DISP1: variants seen among roughly 807,000 people sequenced by gnomAD.
DISP1 encodes dispatched RND transporter family member 1.
Under a neutral mutation model 37.3 loss-of-function variants are expected in DISP1, and 30 were observed. The observed-to-expected ratio is 0.80, with a 90% CI of 0.60 to 1.09. The LOEUF is 1.09. DISP1 is among the 50% of genes least tolerant of loss of function. DISP1 has a pLI of 0.00. For missense variants in DISP1, 1,598 were observed against 1,879.5 expected, an observed-to-expected ratio of 0.85 and a Z score of 2.77; for synonymous variants, 634 against 690.2, an observed-to-expected ratio of 0.92 and a Z score of 1.28.
chr1:222,890,310 A>G (rs35773347), intron 1 of DISP1, among the ~76,000 whole-genome samples: 16,603 of 152,206 alleles, frequency 0.11, 1,281 homozygotes, highest in Non-Finnish European at 0.16. Context: ...GGAGGGAGAA[A>G]TAAGTAATAA....
intron 3 of DISP1, among the ~76,000 whole-genome samples, chr1:222,954,949 TG>T (rs1675485740): frequency 6.7e-6 from 1 of 148,194 alleles, no homozygotes; most frequent in Non-Finnish European, 1.5e-5. Context: ...TAAGTGGTGG[TG>T]GGGTGGGGTG....
intron 3 of DISP1, among the ~76,000 whole-genome samples, chr1:222,954,137 TA>T (rs138418561): frequency 4.0e-5 from 6 of 151,756 alleles, no homozygotes; most frequent in South Asian, 4.2e-4. Context: ...AGTGAGACTT[TA>T]AAAAAAAATT....
intron 3 of DISP1, among the ~76,000 whole-genome samples, chr1:222,970,137 C>T (rs1024608453): frequency 1.3e-5 from 2 of 152,192 alleles, no homozygotes; most frequent in East Asian, 3.8e-4. Flanking sequence ...AAAACTCACT[C>T]GGTTGGTAAA....
At chr1:222,995,013 G>A (rs1558076475) in intron 8 of DISP1, 31 bp downstream of exon 8, 1 of 1,521,984 alleles carries the variant, frequency 6.6e-7, no homozygotes, top group South Asian at 1.1e-5. Flanking sequence ...AATCTCCTTA[G>A]CACAAATAAG....
chr1:222,903,187 C>T (rs1671698849), intron 1 of DISP1, among the ~76,000 whole-genome samples: 1 of 150,988 alleles, frequency 6.6e-6, no homozygotes, highest in Non-Finnish European at 1.5e-5. Flanking sequence ...TCTCAGCAAA[C>T]TATCGCAAGG....
intron 3 of DISP1, among the ~76,000 whole-genome samples, chr1:222,965,887 G>A (rs1232936049): frequency 6.6e-6 from 1 of 152,022 alleles, no homozygotes; most frequent in Non-Finnish European, 1.5e-5. Context: ...AAATTACCTG[G>A]GCATGGTAGT....
chr1:222,870,114 T>C (rs776440443), intron 1 of DISP1, among the ~76,000 whole-genome samples: 3 of 152,240 alleles, frequency 2.0e-5, no homozygotes, highest in Non-Finnish European at 2.9e-5. Flanking sequence ...ACAAAGGACA[T>C]GAACTCACCA....
intron 1 of DISP1, among the ~76,000 whole-genome samples, chr1:222,877,225 A>G (rs1373189520): frequency 6.6e-6 from 1 of 152,190 alleles, no homozygotes; most frequent in African/African-American, 2.4e-5. Context: ...CTGTTTTCAC[A>G]CTGCTGATAA....
At chr1:222,928,789 A>G (rs553592425) in intron 2 of DISP1, among the ~76,000 whole-genome samples, 2 of 152,170 alleles carry the variant, frequency 1.3e-5, no homozygotes, top group Non-Finnish European at 2.9e-5. Flanking sequence ...AGTCTAGCGC[A>G]GTAAGGTAAG....
At chr1:222,884,218 A>C (rs1670447114) in intron 1 of DISP1, among the ~76,000 whole-genome samples, 1 of 152,094 alleles carries the variant, frequency 6.6e-6, no homozygotes. Context: ...TTAAACTTTC[A>C]GAAAACTTTC....
At chr1:222,963,979 T>G (rs965424410) in intron 3 of DISP1, among the ~76,000 whole-genome samples, 7 of 152,110 alleles carry the variant, frequency 4.6e-5, no homozygotes, top group African/African-American at 1.4e-4. Flanking sequence ...ATTGTCTCTT[T>G]CAGGTCCTCT....
chr1:222,993,266 G>A (rs1678833362), intron 7 of DISP1, among the ~76,000 whole-genome samples: 1 of 152,136 alleles, frequency 6.6e-6, no homozygotes, highest in Admixed American at 6.5e-5. Context: ...TGATTACTCT[G>A]CAGCTGCCAG....
intron 3 of DISP1, among the ~76,000 whole-genome samples, chr1:222,951,965 T>A (rs1268745675): frequency 1.3e-5 from 2 of 152,226 alleles, no homozygotes; most frequent in African/African-American, 2.4e-5. Flanking sequence ...TATAAATTTT[T>A]ATGTATAAAG....
chr1:222,851,038 A>G (rs997232701), intron 1 of DISP1, among the ~76,000 whole-genome samples: 8 of 151,476 alleles, frequency 5.3e-5, no homozygotes, highest in African/African-American at 1.9e-4. Context: ...AATTATATAA[A>G]ATTTTATGAA....
At chr1:222,938,093 A>C (rs1452831342) in intron 2 of DISP1, among the ~76,000 whole-genome samples, 1 of 152,018 alleles carries the variant, frequency 6.6e-6, no homozygotes, top group Non-Finnish European at 1.5e-5. Context: ...GGCTTGTCTC[A>C]AACTCCTGAG....
chr1:222,834,621 A>G (rs1417553523), intron 1 of DISP1, among the ~76,000 whole-genome samples: 1 of 152,128 alleles, frequency 6.6e-6, no homozygotes, highest in Non-Finnish European at 1.5e-5. Context: ...AAAAAATGGT[A>G]CCTTGTTTAT....
chr1:222,978,995 G>A (rs1189193967), intron 3 of DISP1, among the ~76,000 whole-genome samples: 3 of 151,936 alleles, frequency 2.0e-5, no homozygotes, highest in Non-Finnish European at 1.5e-5. Context: ...GATTGACTTG[G>A]CGATGCAGGC....
chr1:222,853,729 GAGGGTGGGA>G (rs920855449), intron 1 of DISP1, among the ~76,000 whole-genome samples: 6 of 152,122 alleles, frequency 3.9e-5, no homozygotes, highest in Non-Finnish European at 5.9e-5. Context: ...GAGAATACCA[GAGGGTGGGA>G]AGGGTAGGGG....
chr1:223,005,576 A>G lies in DISP1; in HGVS notation c.4179A>G (p.Ser1393=). 1 of 1,614,176 alleles carries G rather than the reference A, an allele frequency of 6.2e-7. No homozygotes were observed. Among genetic ancestry groups the G allele is most frequent in the Non-Finnish European group, 8.5e-7 (1 of 1,180,034 alleles). Residue 1393 remains serine, a synonymous_variant, in exon 9 of 9, where the codon TCA becomes TCG. Transcript: ENST00000675850. ...TTCCAAAGATGGCAGAGCCATCGTC[A>G]TTTGTCTGCAGAAGCACTGGATCGT... The part of the protein sequence containing the change: ...EHLPKMAEPS[S]FVCRSTGSLL...
Sources: gnomAD v4.1 joint callset for allele counts (sites outside exome capture counted in the v4.1 genomes callset) on GRCh38, gnomAD v4.1.1 for gene constraint, MANE v1.5 for transcripts, NCBI Gene and HGNC (gene_info 2026-07-23, HGNC 2026-07-21) for gene names.